Variants in PTPRS observed in about 807,000 individuals in gnomAD.
The protein encoded by PTPRS is protein tyrosine phosphatase receptor type S.
A neutral mutation model predicts 215.3 loss-of-function variants in PTPRS; 63 were observed. The observed-to-expected ratio is 0.29, with a 90% CI of 0.24 to 0.36. The LOEUF is 0.36. Among genes scored for constraint, PTPRS ranks in the 10% least tolerant of loss-of-function variants. The pLI is 1.00. For missense variants in PTPRS, 2,258 were observed against 2,825.8 expected, an observed-to-expected ratio of 0.80 and a Z score of 4.56; for synonymous variants, 1,404 against 1,191.4, an observed-to-expected ratio of 1.18 and a Z score of -3.68.
chr19:5,299,385 G>A (rs191362268), intron 1 of PTPRS, among the ~76,000 whole-genome samples: 290 of 152,284 alleles, frequency 1.9e-3, no homozygotes, highest in Non-Finnish European at 3.4e-3. Context: ...GCCTCTGCCT[G>A]GAACACTGTT....
rs777571164 is a variant in PTPRS, at chr19:5,215,483, C to CG, written c.4194+14dup. On this transcript the variant is annotated intron_variant, in intron 27 of 37. Coordinates refer to ENST00000262963, the MANE Select transcript of PTPRS (RefSeq NM_002850.4). Reference sequence around the variant, plus strand: ...AGGCCGAGGTGATGAGGGTGGGAGGCGGGGGTGGGCTCACCTCATACTCCT... The same window carrying CG: ...AGGCCGAGGTGATGAGGGTGGGAGGCGGGGGGTGGGCTCACCTCATACTCCT... 1 of 982,806 alleles carries CG rather than the reference C, an allele frequency of 1.0e-6. No homozygotes were observed. The highest frequency in any genetic ancestry group is 1.6e-5 in the African/African-American group (1 of 62,276). 60.9% of individuals were successfully genotyped at this position (982,806 alleles called of 1,614,324 possible). A position where few individuals can be genotyped will look rare whatever the true frequency, so the allele number is the denominator to read the frequency against.
At chr19:5,330,923 C>T (rs1416045894) in intron 1 of PTPRS, among the ~76,000 whole-genome samples, 3 of 152,018 alleles carry the variant, frequency 2.0e-5, no homozygotes, top group African/African-American at 4.8e-5. Flanking sequence ...AGAATTCATC[C>T]GACAGGGGCA....
intron 1 of PTPRS, among the ~76,000 whole-genome samples, chr19:5,307,512 A>T (rs1270739086): frequency 6.6e-6 from 1 of 152,148 alleles, no homozygotes; most frequent in Non-Finnish European, 1.5e-5. Context: ...CTATATTTTT[A>T]AGTGGGGGGG....
At chr19:5,290,715 C>T (rs2048743206) in intron 1 of PTPRS, among the ~76,000 whole-genome samples, 1 of 151,930 alleles carries the variant, frequency 6.6e-6, no homozygotes, top group Non-Finnish European at 1.5e-5. Context: ...ATCCCATGGC[C>T]CCAGGGCAGG....
In PTPRS at chr19:5,245,912, G is replaced by C; in HGVS notation, c.852C>G (p.Asp284Glu). The C allele has an allele frequency of 5.6e-6, 9 of 1,613,872 alleles. No individual in the cohort carries two copies. Among genetic ancestry groups the C allele is most frequent in the South Asian group, 1.1e-5 (1 of 91,040 alleles). Reference sequence around the variant, plus strand: ...CGGGCATGTCATCCTCGGGGGTCAGGTCCTCGGCCCCCTGCATCCACTTCA... The same window carrying C: ...CGGGCATGTCATCCTCGGGGGTCAGCTCCTCGGCCCCCTGCATCCACTTCA... ...PYVKWMQGAEDLTPEDDMPVG... is the reference protein window; with the variant it reads ...PYVKWMQGAEELTPEDDMPVG... The change falls in exon 10 of 38, where the codon GAC becomes GAG. Residue 284 changes from aspartate (D) to glutamate (E), a missense_variant. This residue lies in a region of PTPRS where 508 missense variants were observed against 799.4 expected (regional missense o/e 0.64). Transcript: ENST00000262963.
intron 10 of PTPRS, among the ~76,000 whole-genome samples, chr19:5,245,317 C>G (rs2044387099): frequency 6.6e-6 from 1 of 151,484 alleles, no homozygotes; most frequent in Non-Finnish European, 1.5e-5. Flanking sequence ...AAGACAGGGT[C>G]CGGCTCTGTT....
chr19:5,298,170 G>C (rs1366720140), intron 1 of PTPRS, among the ~76,000 whole-genome samples: 1 of 152,150 alleles, frequency 6.6e-6, no homozygotes, highest in Non-Finnish European at 1.5e-5. Context: ...AGCAGACCAT[G>C]TTCCAGTGTC....
At chr19:5,305,457 G>A (rs1387909665) in intron 1 of PTPRS, among the ~76,000 whole-genome samples, 2 of 152,150 alleles carry the variant, frequency 1.3e-5, no homozygotes, top group Admixed American at 1.3e-4. Flanking sequence ...TGAAGCAGGA[G>A]GATCACTTGA....
At chr19:5,330,048 G>T (rs1188273942) in intron 1 of PTPRS, among the ~76,000 whole-genome samples, 1 of 147,488 alleles carries the variant, frequency 6.8e-6, no homozygotes, top group Non-Finnish European at 1.5e-5. Flanking sequence ...TTGCACTCCA[G>T]CCTGGGTGAC....
At chr19:5,263,370 G>C (rs1349552284) in intron 5 of PTPRS, among the ~76,000 whole-genome samples, 1 of 152,122 alleles carries the variant, frequency 6.6e-6, no homozygotes, top group Non-Finnish European at 1.5e-5. Flanking sequence ...TCTTTTTGGG[G>C]CTTGGTTTTC....
At chr19:5,289,745 G>C (rs927524798) in intron 1 of PTPRS, among the ~76,000 whole-genome samples, 5 of 152,210 alleles carry the variant, frequency 3.3e-5, no homozygotes, top group African/African-American at 4.8e-5. Flanking sequence ...TGGGGGCAAG[G>C]GTGTCTCTGC....
chr19:5,267,716 C>T (rs2046534978), intron 4 of PTPRS, among the ~76,000 whole-genome samples: 1 of 148,360 alleles, frequency 6.7e-6, no homozygotes, highest in African/African-American at 2.5e-5. Flanking sequence ...ACCGTGCCCC[C>T]CCGCCCCCCC....
At chr19:5,272,289 T>C (rs1216520601) in intron 4 of PTPRS, among the ~76,000 whole-genome samples, 1 of 152,122 alleles carries the variant, frequency 6.6e-6, no homozygotes, top group Non-Finnish European at 1.5e-5. Context: ...TATAAACCCC[T>C]TGCGACTTGT....
At chr19:5,250,956 G>T (rs1185440316) in intron 9 of PTPRS, 1 of 101,576 alleles carries the variant, frequency 9.8e-6, no homozygotes, top group Non-Finnish European at 2.3e-5. Flanking sequence ...GCGGGGGGGG[G>T]GGGGGGGGCT....
Position 5,221,007 on chromosome 19 carries a change from G to A in PTPRS, c.3448C>T (p.Pro1150Ser), listed in dbSNP as rs2041933653. The A allele has an allele frequency of 1.2e-6, 2 of 1,609,634 alleles. No homozygotes were observed. The highest frequency in any genetic ancestry group is 1.1e-5 in the South Asian group (1 of 90,650). Residue 1150 changes from proline (P) to serine (S), a missense_variant, in exon 20 of 38, where the codon CCT (proline) becomes TCT (serine). Pro to Ser is a moderately conservative substitution (Grantham distance 74). Coordinates refer to ENST00000262963, the MANE Select transcript of PTPRS (RefSeq NM_002850.4). ...VYLPDGQSPV[P>S]VQSYFIVMVP... is the part of the protein sequence containing the mutation. ...GCATGGGGGTGAGCATACTGGACAGGCACGGGGCTCTGGCCGTCAGGAAGA... is the reference window on the plus strand; with the variant it reads ...GCATGGGGGTGAGCATACTGGACAGACACGGGGCTCTGGCCGTCAGGAAGA...
chr19:5,247,836 G>C (rs974950011), intron 9 of PTPRS, among the ~76,000 whole-genome samples: 3 of 151,966 alleles, frequency 2.0e-5, no homozygotes, highest in Non-Finnish European at 2.9e-5. Flanking sequence ...CAAAGAGAAG[G>C]GGGGACGTCG....
rs781018705 is a variant in PTPRS, at chr19:5,239,019, G to T, written c.1749C>A (p.Asp583Glu). 1.9e-6 allele frequency: 3 copies of T among 1,613,634 alleles called. No homozygotes were observed. Among genetic ancestry groups the T allele is most frequent in the Non-Finnish European group, 2.5e-6 (3 of 1,179,870 alleles). ...FDPTTSYVVEDLKPNTEYAFR... is the reference protein window; with the variant it reads ...FDPTTSYVVEELKPNTEYAFR... ...AGGCGTACTCCGTGTTGGGCTTCAG[G>T]TCCTCCACCACGTAGGAAGTCGTCG... Residue 583 changes from aspartate to glutamate, a missense_variant, in exon 13 of 38, where the codon GAC (aspartate) becomes GAA (glutamate). Coordinates refer to ENST00000262963, the MANE Select transcript of PTPRS (RefSeq NM_002850.4).
rs371700270 is a variant in PTPRS at position 5,327,149 on chromosome 19, G to A, written c.-95+13515C>T. On this transcript the variant is annotated intron_variant, in intron 1 of 37. Transcript: ENST00000262963. The stretch of plus-strand genomic sequence containing the variant: ...TGCGCAGGGCTTGCCGTAGGTGCCC[G>A]CCAATCTGCTCTCCGCACTGCAGTG... 1.8e-4 allele frequency among the ~76,000 whole-genome samples: 28 copies of A among 152,298 alleles called. 1 individual carries two copies. The highest frequency in any genetic ancestry group is 6.5e-4 in the African/African-American group (27 of 41,566).
Position 5,229,598 on chromosome 19 carries a change from G to A in PTPRS, c.2242C>T (p.Arg748Trp), listed in dbSNP as rs1399739848. The change falls in exon 15 of 38, where the codon CGG (arginine) becomes TGG (tryptophan). Residue 748 changes from arginine (R) to tryptophan (W), a missense_variant. By Grantham distance (101) the Arg-to-Trp change is moderately radical (BLOSUM62 -3). Around this residue, in one of 6 missense-constraint regions of PTPRS, gnomAD observed 371 missense variants for 446.7 expected, o/e 0.83. Transcript: ENST00000262963. ...RVLWRSPAPGRQHGQIRGYQV... is the reference protein window; with the variant it reads ...RVLWRSPAPGWQHGQIRGYQV... ...TAGCCGCGGATCTGGCCGTGCTGCC[G>A]GCCGGGCGCGGGCGAGCGCCACAGC... is the stretch of plus-strand genomic sequence containing the variant. 2.1e-6 allele frequency: 3 copies of A among 1,428,616 alleles called. No individual in the cohort carries two copies. The highest frequency in any genetic ancestry group is 2.7e-6 in the Non-Finnish European group (3 of 1,091,806). The allele number at this position is 1,428,616 out of a possible 1,614,324, so 88.5% of individuals were successfully genotyped here. A position where few individuals can be genotyped will look rare whatever the true frequency, so the allele number is the denominator to read the frequency against.
Sources: gnomAD v4.1 joint callset for allele counts (sites outside exome capture counted in the v4.1 genomes callset) on GRCh38, gnomAD v4.1.1 for gene constraint, gnomAD v4.1.1 regional missense constraint, MANE v1.5 for transcripts, NCBI Gene and HGNC (gene_info 2026-07-23, HGNC 2026-07-21) for gene names.